Variants in CDH8 observed in about 807,000 individuals in gnomAD.
CDH8 encodes cadherin-8.
Under a neutral mutation model 68.1 loss-of-function variants are expected in CDH8, and 17 were observed. That is an observed-to-expected ratio of 0.25 (90% CI 0.17 to 0.37). The LOEUF (loss-of-function observed/expected upper bound fraction) is 0.37, where lower values mean the gene tolerates loss of function less well. CDH8 is among the 10% of genes least tolerant of loss of function. The pLI is 1.00. For missense variants in CDH8, 763 were observed against 999.3 expected (o/e 0.76, Z 3.19); for synonymous variants, 372 against 365.1 (o/e 1.02, Z -0.21).
intron 2 of CDH8, among the ~76,000 whole-genome samples, chr16:61,925,976 T>C (rs1470566818): frequency 6.6e-6 from 1 of 152,192 alleles, no homozygotes; most frequent in Non-Finnish European, 1.5e-5. Flanking sequence ...TACCATATAC[T>C]GTTCAAATTG....
chr16:61,721,193 G>A (rs546188133), intron 9 of CDH8, among the ~76,000 whole-genome samples: 3 of 150,922 alleles, frequency 2.0e-5, no homozygotes, highest in East Asian at 2.0e-4. Flanking sequence ...CTCTTGAAAT[G>A]TGTTTTGCTA....
At chr16:61,962,778 CA>C (rs1965180612) in intron 2 of CDH8, among the ~76,000 whole-genome samples, 1 of 152,080 alleles carries the variant, frequency 6.6e-6, no homozygotes, top group African/African-American at 2.4e-5. Context: ...CTGCCTGAAG[CA>C]AAAATTTATA....
chr16:61,899,966 G>T (rs1214298100), intron 3 of CDH8, among the ~76,000 whole-genome samples: 8 of 151,942 alleles, frequency 5.3e-5, no homozygotes, highest in Non-Finnish European at 8.8e-5. Context: ...ATTTAGCCTT[G>T]AAAACCATAA....
chr16:61,959,984 G>GTATGTATATATATA (rs1555524808), intron 2 of CDH8, among the ~76,000 whole-genome samples: 2 of 44,556 alleles, frequency 4.5e-5, no homozygotes, highest in Non-Finnish European at 8.1e-5. Context: ...GTGTGTGTGT[G>GTATGTATATATATA]TATATATATA....
chr16:61,990,158 G>A (rs550100210), intron 2 of CDH8, among the ~76,000 whole-genome samples: 1 of 152,016 alleles, frequency 6.6e-6, no homozygotes, highest in South Asian at 2.1e-4. Flanking sequence ...GGCACAGTGC[G>A]GTAGTAATCA....
chr16:62,033,485 TAC>T (rs1175676724), intron 1 of CDH8, among the ~76,000 whole-genome samples: 4 of 152,174 alleles, frequency 2.6e-5, no homozygotes, highest in Non-Finnish European at 5.9e-5. Context: ...CAAGAAATGT[TAC>T]AGAGTCTTGA....
At chr16:61,862,301 A>G (rs1471334955) in intron 3 of CDH8, among the ~76,000 whole-genome samples, 1 of 152,182 alleles carries the variant, frequency 6.6e-6, no homozygotes, top group Non-Finnish European at 1.5e-5. Context: ...GTAAAAGCTT[A>G]TACATTAAGC....
At chr16:61,931,787 T>TA (rs1332273738) in intron 2 of CDH8, among the ~76,000 whole-genome samples, 12 of 152,264 alleles carry the variant, frequency 7.9e-5, no homozygotes, top group African/African-American at 2.9e-4. Context: ...AAAACATCTA[T>TA]AATACTAAAG....
intron 10 of CDH8, among the ~76,000 whole-genome samples, chr16:61,665,736 C>T (rs1444317440): frequency 2.0e-5 from 3 of 146,622 alleles, no homozygotes; most frequent in African/African-American, 7.5e-5. Context: ...TAATTTATCC[C>T]ACAGTCTGAA....
rs376909472 is a variant in CDH8, at chr16:61,820,921, C to A, written c.1023+5G>T. The A allele has an allele frequency of 6.2e-7, 1 of 1,605,096 alleles. No individual in the cohort carries two copies. The highest frequency in any genetic ancestry group is 1.3e-5 in the African/African-American group (1 of 74,470). On this transcript the variant is annotated splice_donor_5th_base_variant and intron_variant, in intron 6 of 11. Transcript: ENST00000577390. ...TGAAGATGAACAAAAGCTTCCTTAGCTTACTTTTCTTAGCCTTATAATGCC... is the reference window on the plus strand; with the variant it reads ...TGAAGATGAACAAAAGCTTCCTTAGATTACTTTTCTTAGCCTTATAATGCC...
chr16:61,666,022 T>A (rs766155376), intron 10 of CDH8, among the ~76,000 whole-genome samples: 1 of 151,932 alleles, frequency 6.6e-6, no homozygotes, highest in African/African-American at 2.4e-5. Context: ...TTGTGCACTG[T>A]TCTCAGTAGC....
At chr16:62,013,620 A>G (rs999176945) in intron 2 of CDH8, among the ~76,000 whole-genome samples, 8 of 152,208 alleles carry the variant, frequency 5.3e-5, no homozygotes, top group African/African-American at 1.9e-4. Flanking sequence ...TTTGATATTT[A>G]TTAAGTTGCA....
chr16:61,656,559 T>C (rs1963452282), intron 10 of CDH8, among the ~76,000 whole-genome samples: 1 of 152,176 alleles, frequency 6.6e-6, no homozygotes, highest in African/African-American at 2.4e-5. Flanking sequence ...CACATTAAGA[T>C]ACAGCAAAAG....
rs1267571929 is a variant in CDH8 at position 61,759,888 on chromosome 16, G to A, written c.1414+29458C>T. Among the ~76,000 whole-genome samples the A allele has an allele frequency of 2.0e-5, 3 of 152,094 alleles. No individual in the cohort carries two copies. The East Asian group carries it at 5.8e-4, about 29-fold the overall frequency. Reference sequence around the variant, plus strand: ...AGTAATTGAAGATGACAGATGCAACGAATGTTGTGTCAATATCAGAGCTGC... The same window carrying A: ...AGTAATTGAAGATGACAGATGCAACAAATGTTGTGTCAATATCAGAGCTGC... On this transcript the variant is annotated intron_variant, in intron 8 of 11. Coordinates refer to ENST00000577390, the MANE Select transcript of CDH8 (RefSeq NM_001796.5).
At chr16:61,910,585 T>C (rs940722287) in intron 2 of CDH8, among the ~76,000 whole-genome samples, 1 of 152,160 alleles carries the variant, frequency 6.6e-6, no homozygotes, top group Non-Finnish European at 1.5e-5. Context: ...GTTTCCTTAT[T>C]TGCAAGATAG....
chr16:61,706,422 C>T (rs1306227756), intron 10 of CDH8, among the ~76,000 whole-genome samples: 1 of 151,900 alleles, frequency 6.6e-6, no homozygotes, highest in Admixed American at 6.6e-5. Context: ...TCGAGACCAT[C>T]CTGGCTAACA....
intron 8 of CDH8, among the ~76,000 whole-genome samples, chr16:61,787,284 A>T (rs895792533): frequency 6.7e-6 from 1 of 148,248 alleles, no homozygotes; most frequent in Admixed American, 6.7e-5. Flanking sequence ...GGCAAAGGAC[A>T]TGAACAGACA....
chr16:61,901,503 T>G (rs997816152), intron 2 of CDH8, 30 bp from the exon 3 acceptor site: 2 of 1,536,964 alleles, frequency 1.3e-6, no homozygotes, highest in Non-Finnish European at 1.8e-6. Context: ...TAGTTAGTGA[T>G]GGAGCAATCT....
intron 2 of CDH8, among the ~76,000 whole-genome samples, chr16:61,977,287 T>A (rs143596347): frequency 6.6e-6 from 1 of 152,222 alleles, no homozygotes; most frequent in South Asian, 2.1e-4. Flanking sequence ...TCTGAGTAAG[T>A]AATGCAAGAA....
Sources: allele counts gnomAD v4.1 joint callset (sites outside exome capture counted in the v4.1 genomes callset), GRCh38; gene constraint gnomAD v4.1.1; transcripts MANE v1.5; gene names NCBI Gene and HGNC (gene_info 2026-07-23, HGNC 2026-07-21).